The following COL11A1 variants were observed in gnomAD, a reference collection of about 807,000 sequenced individuals.
COL11A1 encodes collagen type XI alpha 1 chain.
COL11A1 carries 74 observed loss-of-function variants against 265.2 expected under a neutral mutation model. The ratio of observed to expected loss-of-function variants is 0.28; its 90% CI spans 0.23 to 0.34. The LOEUF (loss-of-function observed/expected upper bound fraction) is 0.34, where lower values mean the gene tolerates loss of function less well. Ranked by LOEUF, COL11A1 falls within the 10% of genes least tolerant of loss-of-function variation. The probability of loss-of-function intolerance (pLI) is 1.00; values close to 1 mark genes in which losing one functional copy is unlikely to be tolerated. For missense variants in COL11A1, 2,165 were observed against 2,263.6 expected (o/e 0.96, Z 0.88); for synonymous variants, 816 against 727.6 (o/e 1.12, Z -1.96).
At chr1:102,989,497 G>A (rs775229586) in intron 29 of COL11A1, 21 bp downstream of exon 29, 5 of 1,566,746 alleles carry the variant, frequency 3.2e-6, no homozygotes, top group Non-Finnish European at 3.5e-6. Flanking sequence ...GTGTACTGGT[G>A]TACATTTTCT....
At chr1:102,881,273 C>A (rs1650207842) in intron 65 of COL11A1, among the ~76,000 whole-genome samples, 1 of 151,736 alleles carries the variant, frequency 6.6e-6, no homozygotes, top group African/African-American at 2.4e-5. Flanking sequence ...TGTGCCAGAA[C>A]AATCAGAAAA....
chr1:102,935,522 T>G (rs1263860615), intron 44 of COL11A1, among the ~76,000 whole-genome samples: 1 of 152,214 alleles, frequency 6.6e-6, no homozygotes, highest in Non-Finnish European at 1.5e-5. Flanking sequence ...ATCAGAATTC[T>G]GAGGGTTCTA....
intron 38 of COL11A1, among the ~76,000 whole-genome samples, chr1:102,964,610 G>A (rs1661228026): frequency 6.6e-6 from 1 of 151,374 alleles, no homozygotes; most frequent in African/African-American, 2.4e-5. Flanking sequence ...GTGTGTGTGT[G>A]TATGTGTTTG....
At chr1:102,951,667 G>A (rs111354772) in intron 41 of COL11A1, among the ~76,000 whole-genome samples, 6,186 of 152,200 alleles carry the variant, frequency 0.041, 221 homozygotes, top group African/African-American at 0.086. Context: ...GTGAATCCGG[G>A]AGGTGGAGCT....
intron 1 of COL11A1, among the ~76,000 whole-genome samples, chr1:103,084,307 A>T (rs544591562): frequency 6.6e-5 from 10 of 152,170 alleles, no homozygotes; most frequent in South Asian, 4.1e-4. Context: ...TACTCATTCG[A>T]GAATTTTCAT....
chr1:102,908,873 G>T (rs1057288758), intron 54 of COL11A1, among the ~76,000 whole-genome samples: 1 of 151,892 alleles, frequency 6.6e-6, no homozygotes, highest in African/African-American at 2.4e-5. Flanking sequence ...AGTTAACAAT[G>T]TTGTCTAGTT....
Position 103,022,924 on chromosome 1 carries a change from A to G in COL11A1, c.1063T>C (p.Ser355Pro), listed in dbSNP as rs141036911. ...TTGTTTTCATATAGTGTATCCTCAG[A>G]ATTTTTCCTCTGGGAATCATAATCC... ...GEDYDSQRKN[S>P]EDTLYENKEI... Residue 355 changes from serine (S) to proline (P), a missense_variant, in exon 8 of 67, where the codon TCT becomes CCT. Physicochemically the swap from Ser to Pro is moderately conservative, Grantham distance 74 (BLOSUM62 -1). Coordinates refer to ENST00000370096, the MANE Select transcript of COL11A1 (RefSeq NM_001854.4). 195 of 1,613,710 alleles carry G rather than the reference A, an allele frequency of 1.2e-4. No individual in the cohort carries two copies. The highest frequency in any genetic ancestry group is 1.6e-4 in the Non-Finnish European group (183 of 1,179,838).
intron 9 of COL11A1, among the ~76,000 whole-genome samples, chr1:103,021,356 G>A (rs925708069): frequency 5.3e-5 from 8 of 152,036 alleles, no homozygotes; most frequent in Non-Finnish European, 1.0e-4. Flanking sequence ...GGATTGGAAA[G>A]TAGGAAAGCT....
chr1:103,033,710 C>T lies in COL11A1; in HGVS notation c.652-2466G>A, dbSNP rs892847654. On this transcript the variant is annotated intron_variant, in intron 4 of 66. Coordinates refer to ENST00000370096, the MANE Select transcript of COL11A1 (RefSeq NM_001854.4). Reference sequence around the variant, plus strand: ...CAGTGTTCTTTATTTGAGTTAGTGTCCAGTAATCTTCCATTTCAATCTGAG... The same window carrying T: ...CAGTGTTCTTTATTTGAGTTAGTGTTCAGTAATCTTCCATTTCAATCTGAG... 4.6e-5 allele frequency among the ~76,000 whole-genome samples: 7 copies of T among 152,212 alleles called. No individual in the cohort carries two copies. In the East Asian group the frequency reaches 1.4e-3, roughly 29 times the overall value.
chr1:102,950,328 T>G (rs1299344305), intron 41 of COL11A1, among the ~76,000 whole-genome samples: 2 of 151,864 alleles, frequency 1.3e-5, no homozygotes, highest in African/African-American at 4.9e-5. Flanking sequence ...GTTTATAAGT[T>G]TATTTGTAAT....
chr1:103,075,611 T>TATATATAGTGTATATACTA (rs1571222443), intron 3 of COL11A1, among the ~76,000 whole-genome samples: 2 of 152,270 alleles, frequency 1.3e-5, no homozygotes, highest in East Asian at 3.9e-4. Context: ...GTGGGTTTTA[T>TATATATAGTGTATATACTA]TAACAATGTA....
At chr1:103,031,050 A>G in intron 5 of COL11A1, 66 bp downstream of exon 5, 1 of 1,570,718 alleles carries the variant, frequency 6.4e-7, no homozygotes, top group Non-Finnish European at 8.7e-7. Context: ...GTATAAGTTC[A>G]AAAACTGCAC....
chr1:102,938,358 G>A (rs2622882), intron 44 of COL11A1, among the ~76,000 whole-genome samples: 18,153 of 149,278 alleles, frequency 0.12, 1,514 homozygotes, highest in African/African-American at 0.24. Context: ...CTATCAGAGA[G>A]CAAATACATG....
chr1:103,003,137 C>T (rs1665281273), intron 21 of COL11A1, 78 bp downstream of exon 21: 1 of 1,451,584 alleles, frequency 6.9e-7, no homozygotes, highest in Non-Finnish European at 9.6e-7. Flanking sequence ...TGGCTCTCTA[C>T]TGAGGGCTTT....
intron 20 of COL11A1, among the ~76,000 whole-genome samples, 173 bp from the exon 21 acceptor site, chr1:103,003,441 C>T (rs1263412866): frequency 2.0e-5 from 3 of 151,966 alleles, no homozygotes; most frequent in African/African-American, 7.3e-5. Context: ...TTATACTGAT[C>T]CAAAAGCCAG....
intron 54 of COL11A1, among the ~76,000 whole-genome samples, chr1:102,908,712 A>T (rs1477052920): frequency 6.6e-6 from 1 of 152,084 alleles, no homozygotes; most frequent in Non-Finnish European, 1.5e-5. Flanking sequence ...CTTTTTCTTC[A>T]ATGAGACCAT....
intron 3 of COL11A1, 51 bp downstream of exon 3, chr1:103,078,606 TA>T (rs556124307): frequency 5.7e-5 from 87 of 1,532,560 alleles, no homozygotes; most frequent in East Asian, 1.1e-4. Context: ...AGTGACTGAA[TA>T]AAAAAAATGA....
chr1:102,993,344 C>A (rs1259661968), intron 28 of COL11A1, among the ~76,000 whole-genome samples: 1 of 151,928 alleles, frequency 6.6e-6, no homozygotes, highest in Non-Finnish European at 1.5e-5. Flanking sequence ...GGTTCCAGGA[C>A]CCCAACCCAA....
intron 41 of COL11A1, among the ~76,000 whole-genome samples, chr1:102,955,395 G>T (rs1660275284): frequency 6.6e-6 from 1 of 152,092 alleles, no homozygotes; most frequent in Non-Finnish European, 1.5e-5. Context: ...AGGAGTCACA[G>T]GAAAACAGCA....
Sources: gnomAD v4.1 joint callset for allele counts (sites outside exome capture counted in the v4.1 genomes callset) on GRCh38, gnomAD v4.1.1 for gene constraint, MANE v1.5 for transcripts, NCBI Gene and HGNC (gene_info 2026-07-23, HGNC 2026-07-21) for gene names.